PHKB: variants seen among roughly 807,000 people sequenced by gnomAD.
The protein encoded by PHKB is phosphorylase kinase regulatory subunit beta.
PHKB carries 122 observed loss-of-function variants against 152.1 expected under a neutral mutation model. The observed-to-expected ratio is 0.80, with a 90% CI of 0.69 to 0.93. The LOEUF (loss-of-function observed/expected upper bound fraction) is 0.93. Among genes scored for constraint, PHKB ranks in the 40% least tolerant of loss-of-function variants. The probability of loss-of-function intolerance (pLI) is 0.00; values close to 1 mark genes in which losing one functional copy is unlikely to be tolerated. For missense variants in PHKB, 1,304 were observed against 1,328.4 expected (o/e 0.98, Z 0.29); for synonymous variants, 436 against 464.9 (o/e 0.94, Z 0.80).
chr16:47,671,396 C>CTATA (rs1567349963), intron 26 of PHKB, among the ~76,000 whole-genome samples: 1 of 152,074 alleles, frequency 6.6e-6, no homozygotes, highest in African/African-American at 2.4e-5. Flanking sequence ...GTAGTATTAA[C>CTATA]TATATACATA....
rs974906239 is a variant in PHKB at position 47,619,873 on chromosome 16, A to G, written c.1458+8953A>G. On this transcript the variant is annotated intron_variant, in intron 14 of 30. Coordinates refer to ENST00000323584, the MANE Select transcript of PHKB (RefSeq NM_000293.3). ...GTATTTTGCGTTACAGTTGTCCACTAGGTATAAGGTGACCCTTAGAGAACA... is the reference window on the plus strand; with the variant it reads ...GTATTTTGCGTTACAGTTGTCCACTGGGTATAAGGTGACCCTTAGAGAACA... Among the ~76,000 whole-genome samples, 63 of 152,172 alleles carry G rather than the reference A, an allele frequency of 4.1e-4. 2 individuals are homozygous for G. Among genetic ancestry groups the G allele is most frequent in the Admixed American group, 4.0e-3 (61 of 15,280 alleles).
At chr16:47,650,181 G>A (rs1268594648) in intron 18 of PHKB, among the ~76,000 whole-genome samples, 3 of 152,104 alleles carry the variant, frequency 2.0e-5, no homozygotes, top group African/African-American at 7.2e-5. Context: ...GGAGGCTGAG[G>A]CAGGTGGATC....
chr16:47,594,249 A>C (rs902587157), intron 12 of PHKB, 35 bp downstream of exon 12: 1 of 1,034,850 alleles, frequency 9.7e-7, no homozygotes, highest in Non-Finnish European at 1.5e-6. Flanking sequence ...CTTCCTACCA[A>C]CATTTCCTGA....
intron 3 of PHKB, 75 bp downstream of exon 3, chr16:47,499,969 C>T (rs539059691): frequency 5.0e-5 from 78 of 1,557,524 alleles, no homozygotes; most frequent in Admixed American, 2.2e-4. Flanking sequence ...CTAATTGAGC[C>T]GCTATCTTTT....
chr16:47,681,133 A>C (rs536087005), intron 26 of PHKB, among the ~76,000 whole-genome samples: 1 of 152,246 alleles, frequency 6.6e-6, no homozygotes, highest in South Asian at 2.1e-4. Context: ...TGGTCTGAGA[A>C]ACAGTTTGTT....
intron 13 of PHKB, among the ~76,000 whole-genome samples, chr16:47,599,464 T>TA (rs1972182749): frequency 6.6e-6 from 1 of 152,046 alleles, no homozygotes; most frequent in Admixed American, 6.6e-5. Flanking sequence ...AATTGAGCTT[T>TA]AAAAAAAGAA....
intron 1 of PHKB, chr16:47,461,969 T>C (rs1438424170): frequency 1.3e-5 from 2 of 154,928 alleles, no homozygotes; most frequent in African/African-American, 4.8e-5. Context: ...CCTCAGATAT[T>C]GAAGAGTATA....
chr16:47,477,489 GTTTA>G (rs957164187), intron 1 of PHKB, among the ~76,000 whole-genome samples: 178 of 152,138 alleles, frequency 1.2e-3, no homozygotes, highest in African/African-American at 4.2e-3. Context: ...ATAAAATTCA[GTTTA>G]TTTATTTTCC....
intron 14 of PHKB, among the ~76,000 whole-genome samples, chr16:47,614,373 T>C (rs889508542): frequency 6.6e-6 from 1 of 152,194 alleles, no homozygotes; most frequent in Non-Finnish European, 1.5e-5. Context: ...ACATAGTTTG[T>C]TTCTTTTTAT....
chr16:47,558,972 A>G lies in PHKB; in HGVS notation c.710+11424A>G, dbSNP rs78098138. Among the ~76,000 whole-genome samples the G allele has an allele frequency of 3.1e-3, 468 of 152,364 alleles. 13 individuals are homozygous for G. In the East Asian group the frequency reaches 0.071, roughly 23 times the overall value. ...ATTGTGTTTCTAAGTACTGAATTTC[A>G]TATGTGTTCGCCTTTTGAATAAGTT... is the stretch of plus-strand genomic sequence containing the variant. On this transcript the variant is annotated intron_variant, in intron 7 of 30. Transcript: ENST00000323584.
intron 7 of PHKB, chr16:47,565,619 G>A (rs1971551862): frequency 9.3e-7 from 1 of 1,076,874 alleles, no homozygotes; most frequent in Non-Finnish European, 1.4e-6. Context: ...TGCCGGATGT[G>A]GCAGAGGTCC....
intron 14 of PHKB, among the ~76,000 whole-genome samples, chr16:47,639,399 G>A (rs73534794): frequency 0.06 from 9,132 of 152,210 alleles, 403 homozygotes; most frequent in African/African-American, 0.12. Flanking sequence ...GGGGCTGCCC[G>A]TGCTGAATTC....
intron 13 of PHKB, among the ~76,000 whole-genome samples, chr16:47,603,503 CTTT>C (rs1200510899): frequency 4.5e-5 from 6 of 132,556 alleles, no homozygotes; most frequent in Non-Finnish European, 6.6e-5. Flanking sequence ...AACTGACTTT[CTTT>C]TTTTTTTTTT....
Position 47,664,945 on chromosome 16 carries a change from C to T in PHKB, c.2397C>T (p.His799=). 1 of 1,613,318 alleles carries T rather than the reference C, an allele frequency of 6.2e-7. No individual in the cohort carries two copies. The highest frequency in any genetic ancestry group is 1.6e-4 in the Middle Eastern group (1 of 6,062). The change falls in exon 25 of 31, where the codon CAC becomes CAT. Residue 799 remains histidine (H), a synonymous_variant. Coordinates refer to ENST00000323584, the MANE Select transcript of PHKB (RefSeq NM_000293.3). ...AATTTTCTTCCTCTATAGCCCCACA[C>T]ATTACTACTTTTCTGGTACATGGGA... The part of the protein sequence containing the change: ...TQKFSSSIAP[H]ITTFLVHGKQ...
At chr16:47,687,924 A>G (rs925862617) in intron 26 of PHKB, among the ~76,000 whole-genome samples, 1 of 152,214 alleles carries the variant, frequency 6.6e-6, no homozygotes, top group Non-Finnish European at 1.5e-5. Context: ...GGTTCTCTAC[A>G]TTGAGAGACA....
Position 47,650,610 on chromosome 16 carries a change from C to T in PHKB, c.1864C>T (p.Arg622Trp), listed in dbSNP as rs543402649. 1.9e-5 allele frequency: 30 copies of T among 1,606,352 alleles called. No homozygotes were observed. The highest frequency in any genetic ancestry group is 1.7e-4 in the Middle Eastern group (1 of 6,052). ...ACGTCCACTTTTCCTTGTTCTCATC[C>T]GGGAAGACAATATAAGGTAGGTTGA... ...HGRPLFLVLIREDNIRGSRFN... is the reference protein window; with the variant it reads ...HGRPLFLVLIWEDNIRGSRFN... The change falls in exon 19 of 31, where the codon CGG (arginine) becomes TGG (tryptophan). Residue 622 changes from arginine (R) to tryptophan (W), a missense_variant. Transcript: ENST00000323584.
Position 47,693,448 on chromosome 16 carries a change from T to C in PHKB, c.2836T>C (p.Trp946Arg). Residue 946 changes from tryptophan (W) to arginine (R), a missense_variant, in exon 28 of 31, where the codon TGG becomes CGG. Transcript: ENST00000323584. The stretch of plus-strand genomic sequence containing the variant: ...TCCCACCGGGTTCTATGACCGAGTG[T>C]GGCAGATTCTGGAGCGCACGCCCAA... ...RTPTGFYDRV[W>R]QILERTPNGI... 1 of 1,614,084 alleles carries C rather than the reference T, an allele frequency of 6.2e-7. No homozygotes were observed. The highest frequency in any genetic ancestry group is 1.1e-5 in the South Asian group (1 of 91,074).
At chr16:47,657,808 ACT>A (rs371575186) in intron 20 of PHKB, among the ~76,000 whole-genome samples, 9 of 151,886 alleles carry the variant, frequency 5.9e-5, no homozygotes, top group East Asian at 1.9e-4. Context: ...GTAATTCTTG[ACT>A]CTCTCTTTCT....
chr16:47,681,642 T>A (rs576121209), intron 26 of PHKB, among the ~76,000 whole-genome samples: 3 of 152,270 alleles, frequency 2.0e-5, no homozygotes, highest in Admixed American at 2.0e-4. Flanking sequence ...CCTCCATCCC[T>A]TTATTTTGAG....
Sources: allele counts gnomAD v4.1 joint callset (sites outside exome capture counted in the v4.1 genomes callset), GRCh38; gene constraint gnomAD v4.1.1; transcripts MANE v1.5; gene names NCBI Gene and HGNC (gene_info 2026-07-23, HGNC 2026-07-21).